The following ACSM3 variants were observed in gnomAD, a reference collection of about 807,000 sequenced individuals.
ACSM3 encodes the protein acyl-coenzyme A synthetase ACSM3, mitochondrial.
Under a neutral mutation model 74.1 loss-of-function variants are expected in ACSM3, and 61 were observed. The ratio of observed to expected loss-of-function variants is 0.82; its 90% CI spans 0.67 to 1.02. The LOEUF (loss-of-function observed/expected upper bound fraction) is 1.02, where lower values mean the gene tolerates loss of function less well. Among genes scored for constraint, ACSM3 ranks in the 50% least tolerant of loss-of-function variants. The pLI is 0.00. For synonymous variants in ACSM3, 213 were observed against 241.5 expected (o/e 0.88, Z 1.09); for missense variants, 660 against 697.0 (o/e 0.95, Z 0.60).
Position 20,780,845 on chromosome 16 carries a change from C to A in ACSM3, c.770C>A (p.Ser257Tyr), listed in dbSNP as rs757686503. 1 of 1,614,222 alleles carries A rather than the reference C, an allele frequency of 6.2e-7. No individual in the cohort carries two copies. Among genetic ancestry groups the A allele is most frequent in the East Asian group, 2.2e-5 (1 of 44,890 alleles). Residue 257 changes from serine (S) to tyrosine (Y), a missense_variant, in exon 5 of 14, where the codon TCT becomes TAT. Coordinates refer to ENST00000289416, the MANE Select transcript of ACSM3 (RefSeq NM_005622.4). Reference protein sequence around the residue: ...HTHSSFGLGLSVNGRFWLDLT... With the variant: ...HTHSSFGLGLYVNGRFWLDLT... ...CACAGCAGTTTTGGTTTAGGATTATCTGTAAATGGAAGGTATACTTTCACA... is the reference window on the plus strand; with the variant it reads ...CACAGCAGTTTTGGTTTAGGATTATATGTAAATGGAAGGTATACTTTCACA...
rs1294312521 is a variant in ACSM3, at chr16:20,729,249, C to A, written c.-189-20661C>A. 6.5e-5 allele frequency: 69 copies of A among 1,069,114 alleles called. No homozygotes were observed. The Admixed American group carries it at 1.2e-3, about 19-fold the overall frequency. 66.2% of individuals were successfully genotyped at this position (1,069,114 alleles called of 1,614,324 possible). ...TCCTAGGACAGTCCAGAGAAAACTG[C>A]TGCCACGGTAAGGGGAGATTTTTAT... On this transcript the variant is annotated intron_variant, in intron 1 of 3. Coordinates refer to the ACSM3 transcript ENST00000561584.
chr16:20,703,486 C>A (rs1206894731), intron 1 of ACSM3: 1 of 151,996 alleles, frequency 6.6e-6, no homozygotes, highest in African/African-American at 2.4e-5. Context: ...CTCTTATTTT[C>A]TTGAGCAGTG....
chr16:20,714,918 G>A (rs1006925250), intron 1 of ACSM3, among the ~76,000 whole-genome samples: 3 of 152,170 alleles, frequency 2.0e-5, no homozygotes, highest in Non-Finnish European at 4.4e-5. Flanking sequence ...AGACAAGTTG[G>A]ATAATGGAAT....
At chr16:20,690,941 A>C in intron 1 of ACSM3, 1 of 1,547,564 alleles carries the variant, frequency 6.5e-7, no homozygotes, top group East Asian at 2.3e-5. Context: ...TAGGAGCAAG[A>C]TAAGGAAAGT....
chr16:20,738,374 T>A (rs1237952837), intron 1 of ACSM3: 8 of 369,726 alleles, frequency 2.2e-5, no homozygotes, highest in Non-Finnish European at 4.3e-5. Flanking sequence ...TTAGCTAAGT[T>A]AGCACACAAG....
At chr16:20,708,687 T>TC (rs2079734588) in intron 1 of ACSM3, among the ~76,000 whole-genome samples, 1 of 152,206 alleles carries the variant, frequency 6.6e-6, no homozygotes, top group African/African-American at 2.4e-5. Flanking sequence ...GGTGTCCATA[T>TC]TATTCAGCGT....
At chr16:20,737,543 A>G (rs1165011415) in intron 1 of ACSM3, among the ~76,000 whole-genome samples, 1 of 152,234 alleles carries the variant, frequency 6.6e-6, no homozygotes, top group Non-Finnish European at 1.5e-5. Flanking sequence ...AAAATCTCAT[A>G]TCCGACATAT....
At chr16:20,789,461 A>G in intron 9 of ACSM3, 1 of 1,583,094 alleles carries the variant, frequency 6.3e-7, no homozygotes, top group Non-Finnish European at 8.7e-7. Flanking sequence ...TAAGAGAGCA[A>G]GGCTGTGGCT....
Position 20,797,128 on chromosome 16 carries a change from T to C in ACSM3, c.*156T>C, listed in dbSNP as rs955917785. ...TGGTTATGATATCAGAGGCTAAATT[T>C]TGAAATAAAATATTTGGCAAATTCC... On this transcript the variant is annotated 3_prime_UTR_variant, in exon 14 of 14. Transcript: ENST00000289416. The C allele has an allele frequency of 7.3e-6, 10 of 1,371,290 alleles. No homozygotes were observed. In the African/African-American group the frequency reaches 1.1e-4, roughly 14 times the overall value. 84.9% of individuals were successfully genotyped at this position (1,371,290 alleles called of 1,614,324 possible).
intron 1 of ACSM3, chr16:20,721,763 G>A (rs1007310586): frequency 6.6e-6 from 1 of 152,196 alleles, no homozygotes; most frequent in Non-Finnish European, 1.5e-5. Context: ...TGATACGATT[G>A]TACAGGACTG....
chr16:20,770,846 G>T (rs1005414406), intron 2 of ACSM3, among the ~76,000 whole-genome samples: 1 of 151,994 alleles, frequency 6.6e-6, no homozygotes, highest in Non-Finnish European at 1.5e-5. Flanking sequence ...GGGTAATTAG[G>T]CTACCCATCA....
intron 1 of ACSM3, among the ~76,000 whole-genome samples, chr16:20,747,202 C>T (rs770889434): frequency 4.6e-5 from 7 of 152,198 alleles, no homozygotes; most frequent in Non-Finnish European, 1.0e-4. Context: ...TCCAGAGCCT[C>T]TCCCTGCCAT....
At chr16:20,744,843 G>C (rs1596496042) in intron 1 of ACSM3, among the ~76,000 whole-genome samples, 1 of 152,352 alleles carries the variant, frequency 6.6e-6, no homozygotes, top group South Asian at 2.1e-4. Context: ...CGGTTAGTGG[G>C]TCAGGGGCCT....
intron 12 of ACSM3, 115 bp from the exon 13 acceptor site, chr16:20,796,253 TTA>T: frequency 6.8e-7 from 1 of 1,469,270 alleles, no homozygotes; most frequent in Non-Finnish European, 9.0e-7. Flanking sequence ...TCAAACTTTA[TTA>T]AAACACACTG....
At chr16:20,783,337 G>A (rs2080394643) in intron 7 of ACSM3, 2 of 152,202 alleles carry the variant, frequency 1.3e-5, no homozygotes, top group South Asian at 2.1e-4. Context: ...TACAGGTTGA[G>A]TATCCCTTAT....
chr16:20,713,846 G>A lies in ACSM3; in HGVS notation c.-189-36064G>A, dbSNP rs1271633577. Among the ~76,000 whole-genome samples, 6 of 152,300 alleles carry A rather than the reference G, an allele frequency of 3.9e-5. No individual in the cohort carries two copies. In the South Asian group the frequency reaches 6.2e-4, roughly 16 times the overall value. On this transcript the variant is annotated intron_variant, in intron 1 of 3. Transcript: ENST00000561584. ...GTGCCATAACTCCAAAAAGGGCACA[G>A]ATTGTTTCTCTAAAAACTAGGGAAG...
At chr16:20,765,715 T>A (rs1343846847) in intron 1 of ACSM3, among the ~76,000 whole-genome samples, 1 of 152,226 alleles carries the variant, frequency 6.6e-6, no homozygotes, top group African/African-American at 2.4e-5. Flanking sequence ...AATACACGGG[T>A]AATGAATAAA....
At chr16:20,782,904 G>T (rs1395847950) in intron 7 of ACSM3, among the ~76,000 whole-genome samples, 1 of 152,218 alleles carries the variant, frequency 6.6e-6, no homozygotes, top group African/African-American at 2.4e-5. Flanking sequence ...CCCAAGTGCA[G>T]CAGCTTCTAT....
chr16:20,732,701 C>T (rs1259007736), intron 1 of ACSM3, among the ~76,000 whole-genome samples: 3 of 152,066 alleles, frequency 2.0e-5, no homozygotes, highest in Non-Finnish European at 4.4e-5. Flanking sequence ...AGTGAATTTG[C>T]ACTAAAAACC....
Sources: gnomAD v4.1 joint callset for allele counts (sites outside exome capture counted in the v4.1 genomes callset) on GRCh38, gnomAD v4.1.1 for gene constraint, MANE v1.5 for transcripts, NCBI Gene and HGNC (gene_info 2026-07-23, HGNC 2026-07-21) for gene names.